GRIA1: variants seen among roughly 807,000 people sequenced by gnomAD.
The protein encoded by GRIA1 is glutamate receptor 1.
A neutral mutation model predicts 99.2 loss-of-function variants in GRIA1; 31 were observed. The observed-to-expected ratio is 0.31, with a 90% confidence interval of 0.23 to 0.42. GRIA1 has a LOEUF of 0.42. Ranked by LOEUF, GRIA1 falls within the 10% of genes least tolerant of loss-of-function variation. The pLI, the probability that GRIA1 is intolerant of heterozygous loss-of-function variation, is 1.00. For synonymous variants in GRIA1, 438 were observed against 432.4 expected, an observed-to-expected ratio of 1.01 and a Z score of -0.16; for missense variants, 782 against 1,157.5, an observed-to-expected ratio of 0.68 and a Z score of 4.71.
chr5:153,645,912 G>T (rs1441390977), intron 2 of GRIA1, among the ~76,000 whole-genome samples: 1 of 152,172 alleles, frequency 6.6e-6, no homozygotes, highest in Non-Finnish European at 1.5e-5. Flanking sequence ...TTCATGACAA[G>T]GATGAATGAC....
intron 2 of GRIA1, among the ~76,000 whole-genome samples, chr5:153,589,569 A>C (rs924019854): frequency 6.6e-6 from 1 of 152,096 alleles, no homozygotes; most frequent in Non-Finnish European, 1.5e-5. Flanking sequence ...GTGCTCTAAC[A>C]TGTGCTCGCT....
At chr5:153,555,103 A>G (rs192726416) in intron 2 of GRIA1, among the ~76,000 whole-genome samples, 1 of 152,260 alleles carries the variant, frequency 6.6e-6, no homozygotes, top group Non-Finnish European at 1.5e-5. Context: ...GCAGCCTGGA[A>G]TTTATCATAA....
chr5:153,783,228 G>C (rs565061921), intron 13 of GRIA1, among the ~76,000 whole-genome samples: 5 of 152,328 alleles, frequency 3.3e-5, no homozygotes, highest in African/African-American at 1.2e-4. Flanking sequence ...TGAACCAGGG[G>C]TGGCTGAGAT....
chr5:153,670,946 T>C (rs1561750170), intron 5 of GRIA1, among the ~76,000 whole-genome samples: 2 of 152,176 alleles, frequency 1.3e-5, no homozygotes, highest in East Asian at 3.9e-4. Flanking sequence ...ATTCCCAGCA[T>C]GAAATCTGAA....
chr5:153,515,668 G>A (rs530104735), intron 2 of GRIA1, among the ~76,000 whole-genome samples: 3 of 152,184 alleles, frequency 2.0e-5, no homozygotes, highest in Non-Finnish European at 4.4e-5. Flanking sequence ...ACGTTAATTA[G>A]CCTGATTTGT....
intron 2 of GRIA1, among the ~76,000 whole-genome samples, chr5:153,615,412 T>A (rs974060815): frequency 6.6e-6 from 1 of 152,104 alleles, no homozygotes; most frequent in Non-Finnish European, 1.5e-5. Flanking sequence ...GAGTCTGAGA[T>A]GAAAGGACCG....
chr5:153,536,726 C>T (rs1440047001), intron 2 of GRIA1, among the ~76,000 whole-genome samples: 2 of 152,154 alleles, frequency 1.3e-5, no homozygotes, highest in African/African-American at 4.8e-5. Flanking sequence ...AATTTAGAAA[C>T]ATTTTGTTTC....
At position 153,726,813 on chromosome 5, in the gene GRIA1, A is replaced by T. The variant is rs541161505; in HGVS notation, c.1823+20746A>T. Among the ~76,000 whole-genome samples the T allele has an allele frequency of 3.5e-3, 533 of 152,328 alleles. 5 individuals are homozygous for T. The highest frequency in any genetic ancestry group is 0.012 in the African/African-American group (519 of 41,570). ...GCCGAATTCTACCAGAGGTACAAGG[A>T]GGAATTGGTACCATTCCTTCTGAAA... On this transcript the variant is annotated intron_variant, in intron 11 of 15. Coordinates refer to ENST00000285900, the MANE Select transcript of GRIA1 (RefSeq NM_000827.4).
intron 2 of GRIA1, among the ~76,000 whole-genome samples, chr5:153,536,141 A>T (rs1758548184): frequency 6.6e-6 from 1 of 152,028 alleles, no homozygotes; most frequent in African/African-American, 2.4e-5. Flanking sequence ...CCCTCCCCTA[A>T]ATTATGCCAC....
chr5:153,699,051 T>A lies in GRIA1; in HGVS notation c.1430T>A (p.Met477Lys). ...CCTGACACGAAGGCCTGGAATGGCA[T>A]GGTGGGAGAGCTGGTCTATGGAGTA... ...RDPDTKAWNG[M>K]VGELVYGRAD... Residue 477 changes from methionine (M) to lysine (K), a missense_variant, in exon 10 of 16, where the codon ATG becomes AAG. Coordinates refer to ENST00000285900, the MANE Select transcript of GRIA1 (RefSeq NM_000827.4). 1 of 1,613,324 alleles carries A rather than the reference T, an allele frequency of 6.2e-7. No individual in the cohort carries two copies. Among genetic ancestry groups the A allele is most frequent in the Non-Finnish European group, 8.5e-7 (1 of 1,179,438 alleles).
intron 2 of GRIA1, among the ~76,000 whole-genome samples, chr5:153,547,098 G>T (rs1241261383): frequency 2.6e-5 from 4 of 152,206 alleles, no homozygotes; most frequent in African/African-American, 4.8e-5. Context: ...CAGGCCGCAT[G>T]CAGCCCAACA....
chr5:153,585,402 G>A (rs1471518614), intron 2 of GRIA1, among the ~76,000 whole-genome samples: 12 of 143,264 alleles, frequency 8.4e-5, no homozygotes, highest in African/African-American at 2.3e-4. Flanking sequence ...TCCACCTCCC[G>A]GGTCCAAGCA....
intron 1 of GRIA1, chr5:153,492,105 A>T: frequency 7.1e-7 from 1 of 1,416,940 alleles, no homozygotes; most frequent in East Asian, 2.6e-5. Context: ...AGATAGCTCC[A>T]CTAGGGAAAG....
chr5:153,780,480 C>T (rs1406116321), intron 13 of GRIA1, among the ~76,000 whole-genome samples: 1 of 152,178 alleles, frequency 6.6e-6, no homozygotes, highest in Non-Finnish European at 1.5e-5. Flanking sequence ...TTAGTTTTCA[C>T]CAAATGTAAA....
chr5:153,546,539 G>C (rs1267744228), intron 2 of GRIA1, among the ~76,000 whole-genome samples: 1 of 152,150 alleles, frequency 6.6e-6, no homozygotes, highest in Admixed American at 6.5e-5. Flanking sequence ...CTGAGGCACT[G>C]TGCCCAGGGC....
At chr5:153,709,587 G>C (rs988459568) in intron 11 of GRIA1, among the ~76,000 whole-genome samples, 4 of 152,202 alleles carry the variant, frequency 2.6e-5, no homozygotes, top group African/African-American at 7.2e-5. Context: ...AGTGGTAGCA[G>C]GTAGTGGCTT....
At chr5:153,651,661 C>A (rs905110820) in intron 4 of GRIA1, among the ~76,000 whole-genome samples, 2 of 152,136 alleles carry the variant, frequency 1.3e-5, no homozygotes, top group Admixed American at 1.3e-4. Flanking sequence ...ACTCAGAGGC[C>A]TCAGCAATAG....
intron 6 of GRIA1, among the ~76,000 whole-genome samples, chr5:153,676,349 C>T (rs532844915): frequency 1.1e-4 from 16 of 152,220 alleles, no homozygotes; most frequent in African/African-American, 3.6e-4. Context: ...GGACTGCTCT[C>T]CTGATTTTGT....
At chr5:153,724,702 G>C (rs1395260099) in intron 11 of GRIA1, among the ~76,000 whole-genome samples, 13 of 152,144 alleles carry the variant, frequency 8.5e-5, no homozygotes, top group African/African-American at 2.4e-5. Context: ...AGAGAAAAAA[G>C]AATAAAAAGA....
Sources: gnomAD v4.1 joint callset for allele counts (sites outside exome capture counted in the v4.1 genomes callset) on GRCh38, gnomAD v4.1.1 for gene constraint, MANE v1.5 for transcripts, NCBI Gene and HGNC (gene_info 2026-07-23, HGNC 2026-07-21) for gene names.